The following GRK5 variants were observed in gnomAD, a reference collection of about 807,000 sequenced individuals.
The protein encoded by GRK5 is g protein-coupled receptor kinase GRK5.
In GRK5, 40 loss-of-function variants were observed where a neutral mutation model predicts 78.4. That is an observed-to-expected ratio of 0.51 (90% CI 0.40 to 0.66). The LOEUF is 0.66. GRK5 is among the 30% of genes least tolerant of loss of function. The pLI, the probability that GRK5 is intolerant of heterozygous loss-of-function variation, is 0.00. For missense variants in GRK5, 598 were observed against 759.9 expected (o/e 0.79, Z 2.50); for synonymous variants, 289 against 296.8 (o/e 0.97, Z 0.27).
rs1446646910 is a variant in GRK5 at position 119,326,595 on chromosome 10, C to T, written c.132C>T (p.Asp44=). 1.9e-6 allele frequency: 3 copies of T among 1,613,318 alleles called. No individual in the cohort carries two copies. The highest frequency in any genetic ancestry group is 1.7e-5 in the Admixed American group (1 of 60,026). Residue 44 remains aspartate (D), a synonymous_variant, in exon 2 of 16, where the codon GAC becomes GAT. Transcript: ENST00000392870. ...TCCCTCACATTAGCCAGTGTGAAGA[C>T]CTCCGAAGGACCATAGGTAAGCTGT... ...LKFPHISQCE[D]LRRTIDRDYC...
rs554295602 is a variant in GRK5, at chr10:119,427,826, G to A, written c.534-2549G>A. ...ATCAACAGCATCACCACCATCATCA[G>A]CATCACTGCCATCATCAGCATCACT... On this transcript the variant is annotated intron_variant, in intron 6 of 15. Transcript: ENST00000392870. Among the ~76,000 whole-genome samples, 4 of 152,132 alleles carry A rather than the reference G, an allele frequency of 2.6e-5. No individual in the cohort carries two copies. The South Asian group carries it at 8.3e-4, about 32-fold the overall frequency.
At chr10:119,450,719 A>G (rs1413796810) in intron 13 of GRK5, among the ~76,000 whole-genome samples, 1 of 152,074 alleles carries the variant, frequency 6.6e-6, no homozygotes, top group Non-Finnish European at 1.5e-5. Flanking sequence ...TCAGGGCATT[A>G]GGAGGATGAG....
chr10:119,311,693 G>A lies in GRK5; in HGVS notation c.53-14823G>A, dbSNP rs139920741. Reference sequence around the variant, plus strand: ...CCCAGCTACTCAGGAGGCTGAGGTGGGAGAATTGCTTGAACCCAGTGAGTG... The same window carrying A: ...CCCAGCTACTCAGGAGGCTGAGGTGAGAGAATTGCTTGAACCCAGTGAGTG... On this transcript the variant is annotated intron_variant, in intron 1 of 15. Transcript: ENST00000392870. Among the ~76,000 whole-genome samples, 584 of 151,974 alleles carry A rather than the reference G, an allele frequency of 3.8e-3. 4 individuals are homozygous for A. The highest frequency in any genetic ancestry group is 0.013 in the African/African-American group (555 of 41,460).
At position 119,448,171 on chromosome 10, in the gene GRK5, G is replaced by A. The variant is rs1853194072; in HGVS notation, c.1315G>A (p.Ala439Thr). ...KQRLGCQEEG[A>T]AEVKRHPFFR... The stretch of plus-strand genomic sequence containing the variant: ...GAGGCTGGGCTGCCAGGAGGAGGGG[G>A]CTGCAGAGGTCAAGAGACACCCCTT... The change falls in exon 13 of 16, where the codon GCT becomes ACT. Residue 439 changes from alanine (A) to threonine (T), a missense_variant. Coordinates refer to ENST00000392870, the MANE Select transcript of GRK5 (RefSeq NM_005308.3). The A allele has an allele frequency of 1.3e-6, 2 of 1,579,498 alleles. No homozygotes were observed. The highest frequency in any genetic ancestry group is 4.8e-5 in the East Asian group (2 of 41,754).
intron 1 of GRK5, among the ~76,000 whole-genome samples, chr10:119,320,843 A>T (rs1471761523): frequency 1.3e-5 from 2 of 152,148 alleles, no homozygotes; most frequent in African/African-American, 4.8e-5. Flanking sequence ...GGGAGGTGGG[A>T]GGTGATGGCC....
At chr10:119,212,655 T>G (rs1385238914) in intron 1 of GRK5, among the ~76,000 whole-genome samples, 2 of 152,222 alleles carry the variant, frequency 1.3e-5, no homozygotes, top group Admixed American at 6.5e-5. Context: ...AGATAAAGCA[T>G]TATAATGTCT....
chr10:119,442,686 C>G (rs115259852), intron 11 of GRK5, among the ~76,000 whole-genome samples: 1 of 152,222 alleles, frequency 6.6e-6, no homozygotes, highest in African/African-American at 2.4e-5. Context: ...CCCTGAGAGG[C>G]GCGTGCCCGG....
intron 1 of GRK5, among the ~76,000 whole-genome samples, chr10:119,219,445 C>T (rs1589685535): frequency 6.6e-6 from 1 of 152,086 alleles, no homozygotes; most frequent in Non-Finnish European, 1.5e-5. Context: ...GCAAATATTC[C>T]AAAATCCAAA....
intron 4 of GRK5, among the ~76,000 whole-genome samples, chr10:119,420,573 T>C (rs1004995541): frequency 1.2e-4 from 17 of 144,424 alleles, no homozygotes; most frequent in Admixed American, 3.4e-4. Context: ...TTTTTCTTTC[T>C]TTTTTTTTTT....
In GRK5 at chr10:119,265,676, G is replaced by A. The variant is rs141540515; in HGVS notation, c.52+57707G>A. Among the ~76,000 whole-genome samples the A allele has an allele frequency of 6.6e-5, 10 of 152,286 alleles. No individual in the cohort carries two copies. The East Asian group carries it at 1.7e-3, about 26-fold the overall frequency. On this transcript the variant is annotated intron_variant, in intron 1 of 15. Coordinates refer to ENST00000392870, the MANE Select transcript of GRK5 (RefSeq NM_005308.3). ...GCAGCCTGAGCTGATCAGTACAGTCGGAGTTCTCAACCTCCATTGGAGTGA... is the reference window on the plus strand; with the variant it reads ...GCAGCCTGAGCTGATCAGTACAGTCAGAGTTCTCAACCTCCATTGGAGTGA...
At chr10:119,447,273 A>G (rs577289992) in intron 12 of GRK5, among the ~76,000 whole-genome samples, 238 of 152,036 alleles carry the variant, frequency 1.6e-3, no homozygotes, top group African/African-American at 5.5e-3. Context: ...ACACTCTCCT[A>G]CCTCAACCAT....
At chr10:119,346,578 T>C (rs559535859) in intron 2 of GRK5, among the ~76,000 whole-genome samples, 1 of 152,302 alleles carries the variant, frequency 6.6e-6, no homozygotes, top group East Asian at 1.9e-4. Flanking sequence ...CCGGCTGCTC[T>C]GGGAGTGGCC....
intron 1 of GRK5, among the ~76,000 whole-genome samples, chr10:119,306,400 C>T (rs535404357): frequency 3.9e-5 from 6 of 152,244 alleles, no homozygotes; most frequent in African/African-American, 9.6e-5. Context: ...GGCGCATGTG[C>T]GCTTCTTCTA....
Position 119,443,686 on chromosome 10 carries a change from G to A in GRK5, c.1200G>A (p.Arg400=), listed in dbSNP as rs1359909012. ...EKVKREEVDR[R]VLETEEVYSH... ...TGAAGCGGGAGGAGGTGGACCGCCGGGTCCTGGAGACGGAGGAGGTGTACT... is the reference window on the plus strand; with the variant it reads ...TGAAGCGGGAGGAGGTGGACCGCCGAGTCCTGGAGACGGAGGAGGTGTACT... Residue 400 remains arginine (R), a synonymous_variant, in exon 12 of 16, where the codon CGG becomes CGA. Coordinates refer to ENST00000392870, the MANE Select transcript of GRK5 (RefSeq NM_005308.3). 10 of 1,613,360 alleles carry A rather than the reference G, an allele frequency of 6.2e-6. No individual in the cohort carries two copies. Among genetic ancestry groups the A allele is most frequent in the South Asian group, 1.1e-5 (1 of 91,078 alleles).
chr10:119,303,378 G>A (rs1850217250), intron 1 of GRK5, among the ~76,000 whole-genome samples: 1 of 152,130 alleles, frequency 6.6e-6, no homozygotes, highest in South Asian at 2.1e-4. Context: ...GCCTCCAAGT[G>A]TGGGTGTGTG....
intron 1 of GRK5, among the ~76,000 whole-genome samples, chr10:119,303,395 A>C (rs1850217612): frequency 6.6e-6 from 1 of 152,074 alleles, no homozygotes. Flanking sequence ...TGTGGAGGTC[A>C]TATTAGTTGA....
chr10:119,338,115 G>A (rs1418550124), intron 2 of GRK5, among the ~76,000 whole-genome samples: 1 of 152,200 alleles, frequency 6.6e-6, no homozygotes, highest in Non-Finnish European at 1.5e-5. Flanking sequence ...ACGTGCTCAT[G>A]TGGTCTGGTG....
intron 2 of GRK5, chr10:119,333,636 G>A (rs1850822545): frequency 2.5e-6 from 1 of 404,686 alleles, no homozygotes; most frequent in South Asian, 1.8e-5. Context: ...CAGTACTCAA[G>A]GCAGGGAGAC....
chr10:119,422,378 A>G (rs1282197390), intron 4 of GRK5, among the ~76,000 whole-genome samples: 1 of 152,228 alleles, frequency 6.6e-6, no homozygotes, highest in Non-Finnish European at 1.5e-5. Flanking sequence ...GCTTGCTACT[A>G]CTGCCAGATC....
Sources: allele counts gnomAD v4.1 joint callset (sites outside exome capture counted in the v4.1 genomes callset), GRCh38; gene constraint gnomAD v4.1.1; transcripts MANE v1.5; gene names NCBI Gene and HGNC (gene_info 2026-07-23, HGNC 2026-07-21).